The following KLKB1 variants were observed in gnomAD, a reference collection of about 807,000 sequenced individuals.
The protein encoded by KLKB1 is plasma kallikrein.
A neutral mutation model predicts 73.6 loss-of-function variants in KLKB1; 58 were observed. The ratio of observed to expected loss-of-function variants is 0.79; its 90% CI spans 0.64 to 0.98. The LOEUF is 0.98. KLKB1 is among the 50% of genes least tolerant of loss of function. The probability of loss-of-function intolerance (pLI) is 0.00; values close to 1 mark genes in which losing one functional copy is unlikely to be tolerated. For missense variants in KLKB1, 737 were observed against 763.8 expected (o/e 0.96, Z 0.41); for synonymous variants, 280 against 258.1 (o/e 1.08, Z -0.81).
chr4:186,226,355 A>G (rs1737168347), upstream of KLKB1: 1 of 152,138 alleles, frequency 6.6e-6, no homozygotes, highest in Non-Finnish European at 1.5e-5. Context: ...GTGGCCTTGC[A>G]CTGAAGTAGG....
intron 2 of KLKB1, among the ~76,000 whole-genome samples, chr4:186,218,349 T>C (rs1451350379): frequency 2.0e-5 from 3 of 152,126 alleles, no homozygotes; most frequent in Non-Finnish European, 4.4e-5. Context: ...CAAGCAACTC[T>C]AATAAAAAAA....
At chr4:186,233,250 TA>T (rs1737491200) in intron 3 of KLKB1, among the ~76,000 whole-genome samples, 1 of 152,224 alleles carries the variant, frequency 6.6e-6, no homozygotes, top group South Asian at 2.1e-4. Flanking sequence ...AGATGCTTAT[TA>T]ATCACGAGCC....
chr4:186,251,547 C>T lies in KLKB1; in HGVS notation c.929C>T (p.Thr310Ile). The T allele has an allele frequency of 1.2e-6, 2 of 1,613,962 alleles. No individual in the cohort carries two copies. Among genetic ancestry groups the T allele is most frequent in the Non-Finnish European group, 1.7e-6 (2 of 1,179,866 alleles). ...VDFGGEELNV[T>I]FVKGVNVCQE... Reference sequence around the variant, plus strand: ...TTTGGAGGAGAAGAATTGAATGTGACTTTTGTTAAAGGAGTGAATGTTTGC... The same window carrying T: ...TTTGGAGGAGAAGAATTGAATGTGATTTTTGTTAAAGGAGTGAATGTTTGC... Residue 310 changes from threonine to isoleucine, a missense_variant, in exon 9 of 15, where the codon ACT becomes ATT. Transcript: ENST00000264690.
Position 186,233,997 on chromosome 4 carries a change from A to ACCCT in KLKB1, c.267_268insCCCT (p.Val90ProfsTer29). The ACCCT allele has an allele frequency of 6.2e-7, 1 of 1,614,116 alleles. No individual in the cohort carries two copies. The highest frequency in any genetic ancestry group is 1.1e-5 in the South Asian group (1 of 91,078). On this transcript the variant is annotated frameshift_variant, in exon 4 of 15. Transcript: ENST00000264690. LOFTEE classifies it high-confidence loss of function. ...ATAGTGTTACAGGAACCCTGCCAAA[A>ACCCT]GTACATCGAACAGGTGCAGTTTCTG...
chr4:186,232,198 G>T lies in KLKB1; in HGVS notation c.130G>T (p.Ala44Ser). 1 of 1,613,956 alleles carries T rather than the reference G, an allele frequency of 6.2e-7. No homozygotes were observed. Residue 44 changes from alanine (A) to serine (S), a missense_variant, in exon 3 of 15, where the codon GCC becomes TCC. Transcript: ENST00000264690. ...GDVASMYTPN[A>S]QYCQMRCTFH... ...TGTAGCTTCCATGTACACCCCAAAT[G>T]CCCAATACTGCCAGATGAGGTGCAC...
chr4:186,252,287 C>A, intron 11 of KLKB1, 102 bp downstream of exon 11: 2 of 1,252,842 alleles, frequency 1.6e-6, no homozygotes, highest in Non-Finnish European at 1.1e-6. Flanking sequence ...TGAATAGAGA[C>A]GTGTTAAAGC....
chr4:186,244,928 G>T (rs1046860260), intron 6 of KLKB1, among the ~76,000 whole-genome samples: 4 of 152,126 alleles, frequency 2.6e-5, no homozygotes, highest in Non-Finnish European at 4.4e-5. Flanking sequence ...GGTTGCCAAG[G>T]AGGGAGCAGA....
chr4:186,255,149 T>C (rs754264420), intron 12 of KLKB1, among the ~76,000 whole-genome samples: 1 of 152,178 alleles, frequency 6.6e-6, no homozygotes, highest in Non-Finnish European at 1.5e-5. Context: ...CTTCCAGGTA[T>C]AATTTGGGTA....
intron 6 of KLKB1, among the ~76,000 whole-genome samples, chr4:186,244,605 G>C (rs914231843): frequency 1.3e-5 from 2 of 152,182 alleles, no homozygotes; most frequent in African/African-American, 4.8e-5. Flanking sequence ...TTGAGATCCA[G>C]AACAGAATAA....
chr4:186,243,366 C>A (rs1301421343), intron 6 of KLKB1, among the ~76,000 whole-genome samples: 1 of 151,908 alleles, frequency 6.6e-6, no homozygotes, highest in Admixed American at 6.6e-5. Flanking sequence ...TTTCCTTGGT[C>A]CAAGAATTAT....
intron 5 of KLKB1, among the ~76,000 whole-genome samples, chr4:186,237,201 C>T (rs1254092230): frequency 1.3e-5 from 2 of 152,088 alleles, no homozygotes; most frequent in South Asian, 2.1e-4. Flanking sequence ...CGGGTTCAAG[C>T]GATTCTCCTG....
chr4:186,236,794 C>T lies in KLKB1; in HGVS notation c.342C>T (p.Asp114=), dbSNP rs944602444. ...TTTCTTGTACAGCTTGCCATCGAGACATTTATAAAGGAGTTGATATGAGAG... is the reference window on the plus strand; with the variant it reads ...TTTCTTGTACAGCTTGCCATCGAGATATTTATAAAGGAGTTGATATGAGAG... The part of the protein sequence containing the change: ...CGHQISACHR[D]IYKGVDMRGV... The change falls in exon 5 of 15, where the codon GAC becomes GAT. Residue 114 remains aspartate, a synonymous_variant. Transcript: ENST00000264690. The T allele has an allele frequency of 1.9e-6, 3 of 1,613,828 alleles. No homozygotes were observed. The highest frequency in any genetic ancestry group is 2.5e-6 in the Non-Finnish European group (3 of 1,179,954).
chr4:186,234,001 C>T lies in KLKB1; in HGVS notation c.271C>T (p.His91Tyr). 2 of 1,614,066 alleles carry T rather than the reference C, an allele frequency of 1.2e-6. No homozygotes were observed. Among genetic ancestry groups the T allele is most frequent in the Non-Finnish European group, 1.7e-6 (2 of 1,179,948 alleles). ...DSVTGTLPKV[H>Y]RTGAVSGHSL... ...TGTTACAGGAACCCTGCCAAAAGTA[C>T]ATCGAACAGGTGCAGTTTCTGGACA... is the stretch of plus-strand genomic sequence containing the variant. Residue 91 changes from histidine to tyrosine, a missense_variant, in exon 4 of 15, where the codon CAT becomes TAT. Transcript: ENST00000264690.
chr4:186,257,079 T>A (rs1198496901), intron 13 of KLKB1, 147 bp from the exon 14 acceptor site: 3 of 441,464 alleles, frequency 6.8e-6, no homozygotes, highest in African/African-American at 6.2e-5. Context: ...AAGGTCCTTA[T>A]GAAAAATACA....
intron 6 of KLKB1, among the ~76,000 whole-genome samples, chr4:186,243,737 G>T (rs189277639): frequency 6.6e-6 from 1 of 152,212 alleles, no homozygotes; most frequent in African/African-American, 2.4e-5. Flanking sequence ...ATATTGACAC[G>T]TAGTCCCTTT....
chr4:186,235,835 G>C (rs560847969), intron 4 of KLKB1, among the ~76,000 whole-genome samples: 4 of 152,108 alleles, frequency 2.6e-5, no homozygotes, highest in Non-Finnish European at 4.4e-5. Context: ...AAAAAAAGAG[G>C]CCGGGCGCGG....
Position 186,215,634 on chromosome 4 carries a change from C to T in KLKB1, c.201+6362C>T, listed in dbSNP as rs143023276. Among the ~76,000 whole-genome samples the T allele has an allele frequency of 1.9e-3, 287 of 152,030 alleles. 1 individual carries two copies. Among genetic ancestry groups the T allele is most frequent in the African/African-American group, 6.0e-3 (247 of 41,452 alleles). On this transcript the variant is annotated intron_variant, in intron 2 of 14. Transcript: ENST00000511608. ...GGTCACCTAGGCCGGAGTGCAGTGG[C>T]GCAATTGTGGCTCACTGCAACCTTC...
chr4:186,225,312 A>T (rs1053674587), upstream of KLKB1, among the ~76,000 whole-genome samples: 1 of 152,018 alleles, frequency 6.6e-6, no homozygotes, highest in Non-Finnish European at 1.5e-5. Context: ...CTTGGCCTAC[A>T]TGATTTCTGC....
At chr4:186,246,911 G>A (rs903709235) in intron 6 of KLKB1, among the ~76,000 whole-genome samples, 3 of 152,186 alleles carry the variant, frequency 2.0e-5, no homozygotes, top group African/African-American at 4.8e-5. Context: ...AGAGTTTTGG[G>A]TTCATGGATA....
Sources: gnomAD v4.1 joint callset for allele counts (sites outside exome capture counted in the v4.1 genomes callset) on GRCh38, gnomAD v4.1.1 for gene constraint, MANE v1.5 for transcripts, NCBI Gene and HGNC (gene_info 2026-07-23, HGNC 2026-07-21) for gene names.